The following CES2 variants were observed in gnomAD, a reference collection of about 807,000 sequenced individuals.
CES2 encodes cocaine esterase.
A neutral mutation model predicts 52.1 loss-of-function variants in CES2; 42 were observed. The ratio of observed to expected loss-of-function variants is 0.81; its 90% confidence interval spans 0.63 to 1.04. CES2 has a LOEUF of 1.04. Ranked by LOEUF, CES2 falls within the 50% of genes least tolerant of loss-of-function variation. The pLI is 0.00. For synonymous variants in CES2, 277 were observed against 289.6 expected, an observed-to-expected ratio of 0.96 and a Z score of 0.44; for missense variants, 656 against 724.3, an observed-to-expected ratio of 0.91 and a Z score of 1.08.
chr16:66,940,143 C>T (rs565571128), intron 3 of CES2, 79 bp from the exon 4 acceptor site: 3 of 1,570,964 alleles, frequency 1.9e-6, no homozygotes, highest in South Asian at 2.4e-5. Flanking sequence ...AGAGGCAAAG[C>T]ACTGGTTGGT....
chr16:66,942,272 C>T (rs377030041), intron 9 of CES2, 23 bp downstream of exon 9: 3 of 1,591,728 alleles, frequency 1.9e-6, no homozygotes, highest in Middle Eastern at 1.7e-4. Flanking sequence ...GGACCAAAGC[C>T]TGGCGGGCAG....
chr16:66,935,336 C>T (rs1567545340), upstream of CES2: 1 of 1,239,158 alleles, frequency 8.1e-7, no homozygotes, highest in Non-Finnish European at 1.1e-6. Flanking sequence ...CCCTGGATCG[C>T]GGAAGGGCTG....
chr16:66,942,139 A>G lies in CES2; in HGVS notation c.1172A>G (p.Glu391Gly). The G allele has an allele frequency of 2.5e-6, 4 of 1,612,450 alleles. No homozygotes were observed. Among genetic ancestry groups the G allele is most frequent in the Non-Finnish European group, 3.4e-6 (4 of 1,178,728 alleles). Residue 391 changes from glutamate (E) to glycine (G), a missense_variant, in exon 9 of 12, where the codon GAG (glutamate) becomes GGG (glycine). Transcript: ENST00000317091. ...LPPTFGDLLR[E>G]EYIGDNGDPQ... Reference sequence around the variant, plus strand: ...CCTACATTTGGTGACCTGCTGAGGGAGGAGTACATTGGGGACAATGGGGAT... The same window carrying G: ...CCTACATTTGGTGACCTGCTGAGGGGGGAGTACATTGGGGACAATGGGGAT...
intron 1 of CES2, among the ~76,000 whole-genome samples, chr16:66,936,779 C>T (rs560060249): frequency 1.1e-4 from 17 of 152,302 alleles, no homozygotes; most frequent in Admixed American, 3.9e-4. Context: ...CCCCCCGCCC[C>T]ATGGTGCACT....
intron 1 of CES2, 200 bp downstream of exon 1, chr16:66,935,911 G>A: frequency 6.9e-7 from 1 of 1,446,356 alleles, no homozygotes; most frequent in Admixed American, 2.6e-5. Flanking sequence ...GTCGGGCTGG[G>A]GGACACCACG....
intron 2 of CES2, among the ~76,000 whole-genome samples, chr16:66,938,652 C>T (rs1045803470): frequency 1.6e-4 from 24 of 152,210 alleles, no homozygotes; most frequent in Admixed American, 1.4e-3. Context: ...GTAGTGGTAG[C>T]TTTCTGGGGA....
intron 1 of CES2, among the ~76,000 whole-genome samples, chr16:66,937,013 C>CAAA (rs8192923): frequency 2.5e-5 from 2 of 79,118 alleles, no homozygotes; most frequent in African/African-American, 4.9e-5. Context: ...TTGTCTCTAC[C>CAAA]AAAAAAAAAA....
chr16:66,936,675 G>C (rs1450774096), intron 1 of CES2, among the ~76,000 whole-genome samples: 1 of 152,038 alleles, frequency 6.6e-6, no homozygotes, highest in Non-Finnish European at 1.5e-5. Context: ...GGAGTGTTTC[G>C]GCCTTTGGTC....
At chr16:66,938,458 A>G (rs1286661454) in intron 2 of CES2, 1 of 582,706 alleles carries the variant, frequency 1.7e-6, no homozygotes, top group Non-Finnish European at 3.1e-6. Context: ...CTTGGCATTC[A>G]GAAGACATTG....
chr16:66,940,774 A>T (rs2145505859), intron 5 of CES2, 79 bp downstream of exon 5: 1 of 1,520,474 alleles, frequency 6.6e-7, no homozygotes, highest in South Asian at 1.2e-5. Flanking sequence ...TTAAACGGGG[A>T]TGACAAGGGC....
intron 1 of CES2, among the ~76,000 whole-genome samples, chr16:66,937,355 C>T (rs1963238313): frequency 6.6e-6 from 1 of 152,204 alleles, no homozygotes; most frequent in African/African-American, 2.4e-5. Flanking sequence ...GTTGACACCG[C>T]AGTACACACA....
Position 66,939,336 on chromosome 16 carries a change from G to A in CES2, c.401G>A (p.Ser134Asn), listed in dbSNP as rs1597006756. 1 of 1,614,172 alleles carries A rather than the reference G, an allele frequency of 6.2e-7. No homozygotes were observed. The highest frequency in any genetic ancestry group is 8.5e-7 in the Non-Finnish European group (1 of 1,180,044). ...CTCAGCATCTACACGCCGGCCCATAGCCATGAAGGCTCTAACCTGCCGGTG... is the reference window on the plus strand; with the variant it reads ...CTCAGCATCTACACGCCGGCCCATAACCATGAAGGCTCTAACCTGCCGGTG... ...LYLSIYTPAH[S>N]HEGSNLPVMV... The change falls in exon 3 of 12, where the codon AGC (serine) becomes AAC (asparagine). Residue 134 changes from serine to asparagine, a missense_variant. Physicochemically the swap from Ser to Asn is conservative, Grantham distance 46 (BLOSUM62 1). Transcript: ENST00000317091.
At chr16:66,939,191 GACTGA>G in intron 2 of CES2, 21 bp from the exon 3 acceptor site, 2 of 1,612,360 alleles carry the variant, frequency 1.2e-6, no homozygotes, top group Non-Finnish European at 1.7e-6. Flanking sequence ...CTGGCCCCTG[GACTGA>G]TTATTTGCCC....
chr16:66,942,723 T>C lies in CES2; in HGVS notation c.1358T>C (p.Met453Thr). 1 of 1,614,192 alleles carries C rather than the reference T, an allele frequency of 6.2e-7. No homozygotes were observed. The highest frequency in any genetic ancestry group is 8.5e-7 in the Non-Finnish European group (1 of 1,180,032). Residue 453 changes from methionine (M) to threonine (T), a missense_variant, in exon 10 of 12, where the codon ATG (methionine) becomes ACG (threonine). By Grantham distance (81) the Met-to-Thr change is moderately conservative. Transcript: ENST00000317091. ...CTCAAGAACATCAGGCCACCGCACATGAAGGCAGACCATGGTGATGAGCTT... is the reference window on the plus strand; with the variant it reads ...CTCAAGAACATCAGGCCACCGCACACGAAGGCAGACCATGGTGATGAGCTT... ...SWLKNIRPPH[M>T]KADHGDELPF...
rs1163538383 is a variant in CES2 at position 66,942,666 on chromosome 16, ACTT to A, written c.1304_1306del (p.Phe435del). On this transcript the variant is annotated inframe_deletion, in exon 10 of 12. Transcript: ENST00000317091. ...CCCACAGGTTCCCGGGCCCCTGTGTACTTCTACGAGTTCCAGCATCAGCCCAGC... is the reference window on the plus strand; with the variant it reads ...CCCACAGGTTCCCGGGCCCCTGTGTACTACGAGTTCCAGCATCAGCCCAGC... 6.2e-7 allele frequency: 1 copy of A among 1,614,186 alleles called. No individual in the cohort carries two copies. The highest frequency in any genetic ancestry group is 1.1e-5 in the South Asian group (1 of 91,080).
chr16:66,943,905 G>T lies in CES2; in HGVS notation c.1560G>T (p.Leu520=). The part of the protein sequence containing the change: ...LFDQEEQYLQ[L]NLQPAVGRAL... ...ACCAGGAGGAGCAATACCTGCAGCT[G>T]AACCTACAGCCTGCGGTGGGCCGGG... The change falls in exon 12 of 12, where the codon CTG becomes CTT. Residue 520 remains leucine (L), a synonymous_variant. Transcript: ENST00000317091. The surrounding 1 kb of genome is among the most constrained non-coding windows in gnomAD (Gnocchi z 4.2). The T allele has an allele frequency of 6.2e-7, 1 of 1,610,346 alleles. No homozygotes were observed. The highest frequency in any genetic ancestry group is 8.5e-7 in the Non-Finnish European group (1 of 1,177,320).
At position 66,939,330 on chromosome 16, in the gene CES2, C is replaced by A. The variant is rs201131324; in HGVS notation, c.395C>A (p.Ala132Asp). Residue 132 changes from alanine (A) to aspartate (D), a missense_variant, in exon 3 of 12, where the codon GCC (alanine) becomes GAC (aspartate). Coordinates refer to ENST00000317091, the MANE Select transcript of CES2 (RefSeq NM_001365405.1). ...CTGTACCTCAGCATCTACACGCCGG[C>A]CCATAGCCATGAAGGCTCTAACCTG... ...DCLYLSIYTP[A>D]HSHEGSNLPV... 9 of 1,614,076 alleles carry A rather than the reference C, an allele frequency of 5.6e-6. No homozygotes were observed. In the Admixed American group the frequency reaches 6.7e-5, roughly 12 times the overall value.
chr16:66,941,939 T>C, intron 8 of CES2, 91 bp downstream of exon 8: 1 of 1,579,592 alleles, frequency 6.3e-7, no homozygotes, highest in East Asian at 2.2e-5. Flanking sequence ...CCTTCCTATG[T>C]AGTGACCCCC....
At chr16:66,941,073 C>T in intron 5 of CES2, 51 bp from the exon 6 acceptor site, 1 of 1,608,746 alleles carries the variant, frequency 6.2e-7, no homozygotes, top group Non-Finnish European at 8.5e-7. Context: ...TGGGCAAACT[C>T]CTCTCCTCTA....
Sources: allele counts gnomAD v4.1 joint callset (sites outside exome capture counted in the v4.1 genomes callset), GRCh38; gene constraint gnomAD v4.1.1; non-coding constraint Gnocchi (gnomAD v3.1); transcripts MANE v1.5; gene names NCBI Gene and HGNC (gene_info 2026-07-23, HGNC 2026-07-21).